The following B4GALNT3 variants were observed in gnomAD, a reference collection of about 807,000 sequenced individuals.
B4GALNT3 encodes beta-1,4-N-acetyl-galactosaminyltransferase 3, also known as beta-1,4-N-acetylgalactosaminyltransferase 3.
B4GALNT3 carries 86 observed loss-of-function variants against 120.2 expected under a neutral mutation model. That is an observed-to-expected ratio of 0.72 (90% CI 0.60 to 0.86). B4GALNT3 has a LOEUF of 0.86. B4GALNT3 is among the 40% of genes least tolerant of loss of function. The pLI is 0.00. For synonymous variants in B4GALNT3, 518 were observed against 510.4 expected, an observed-to-expected ratio of 1.01 and a Z score of -0.20; for missense variants, 1,167 against 1,298.9, an observed-to-expected ratio of 0.90 and a Z score of 1.56.
At chr12:511,013 CTTTTTTTTTTTTTTTTTTTTTTTTTT>C (rs762032000) in intron 1 of B4GALNT3, among the ~76,000 whole-genome samples, 11 of 43,912 alleles carry the variant, frequency 2.5e-4, no homozygotes, top group South Asian at 8.5e-4. Flanking sequence ...TTTGCCTATT[CTTTTTTTTTTTTTTTTTTTTTTTTTT>C]TTTTTTTTTT....
intron 3 of B4GALNT3, 68 bp from the exon 4 acceptor site, chr12:544,271 G>A (rs1946963049): frequency 6.8e-7 from 1 of 1,470,060 alleles, no homozygotes; most frequent in Non-Finnish European, 9.4e-7. Flanking sequence ...TCATCCCCCT[G>A]GAGCTGAGGA....
In B4GALNT3 at chr12:553,387, C is replaced by T. The variant is rs375042184; in HGVS notation, c.1464C>T (p.Ala488=). 116 of 1,613,786 alleles carry T rather than the reference C, an allele frequency of 7.2e-5. 1 individual carries two copies. The South Asian group carries it at 9.2e-4, about 13-fold the overall frequency. Residue 488 remains alanine (A), a synonymous_variant, in exon 14 of 20, where the codon GCC becomes GCT. Coordinates refer to ENST00000266383, the MANE Select transcript of B4GALNT3 (RefSeq NM_173593.4). The stretch of plus-strand genomic sequence containing the variant: ...CTCAGCCCCGGGAGGGCCTGCTGGC[C>T]CCCTTCTCCAAGCGGAACTCCACAG... ...LLAQPREGLL[A]PFSKRNSTAS... is the part of the protein sequence containing the mutation.
chr12:544,316 C>A (rs756969605), intron 3 of B4GALNT3, 23 bp from the exon 4 acceptor site: 1 of 1,611,016 alleles, frequency 6.2e-7, no homozygotes, highest in African/African-American at 1.3e-5. Flanking sequence ...CGCTCACTCA[C>A]CACTGGCGTC....
intron 2 of B4GALNT3, among the ~76,000 whole-genome samples, chr12:535,774 AATTC>A (rs1946852474): frequency 6.6e-6 from 1 of 152,100 alleles, no homozygotes; most frequent in Admixed American, 6.5e-5. Flanking sequence ...ACTGGGGTCT[AATTC>A]ATTCAGGAGC....
intron 1 of B4GALNT3, among the ~76,000 whole-genome samples, chr12:528,593 A>G (rs574718888): frequency 7.2e-5 from 11 of 152,350 alleles, no homozygotes; most frequent in African/African-American, 1.9e-4. Context: ...CCATTGGAGC[A>G]TTGGGTTTGC....
rs944384083 is a variant in B4GALNT3, at chr12:544,505, C to T, written c.447+71C>T. ...TCCTCTGCCCACTTCTGTCTCTCATCTTTCCTTACATCTTTTCTGGTCCAT... is the reference window on the plus strand; with the variant it reads ...TCCTCTGCCCACTTCTGTCTCTCATTTTTCCTTACATCTTTTCTGGTCCAT... On this transcript the variant is annotated intron_variant, in intron 4 of 19. Coordinates refer to ENST00000266383, the MANE Select transcript of B4GALNT3 (RefSeq NM_173593.4). 3.7e-6 allele frequency: 5 copies of T among 1,343,982 alleles called. No homozygotes were observed. The East Asian group carries it at 9.2e-5, about 25-fold the overall frequency. 83.3% of individuals were successfully genotyped at this position (1,343,982 alleles called of 1,614,324 possible). A position where few individuals can be genotyped will look rare whatever the true frequency, so the allele number is the denominator to read the frequency against.
chr12:500,388 G>A (rs865779470), intron 1 of B4GALNT3, among the ~76,000 whole-genome samples: 1 of 152,194 alleles, frequency 6.6e-6, no homozygotes. Flanking sequence ...GAGGTTCATG[G>A]GAGGATCACA....
rs1249955303 is a variant in B4GALNT3, at chr12:500,871, T to TTTTTTATTTTTTA, written c.170-34290_170-34289insATTTTTTATTTTT. Among the ~76,000 whole-genome samples the TTTTTTATTTTTTA allele has an allele frequency of 3.4e-4, 43 of 125,492 alleles. 3 individuals carry two copies. The highest frequency in any genetic ancestry group is 7.2e-3 in the Middle Eastern group (2 of 276). The allele number at this position is 125,492 out of a possible 152,430, so 82.3% of individuals were successfully genotyped here. A position where few individuals can be genotyped will look rare whatever the true frequency, so the allele number is the denominator to read the frequency against. ...TTGAATCCTGGCTCCACTGCTTTTT[T>TTTTTTATTTTTTA]TTTTTTTTTTTTTTGACACAGGGTC... On this transcript the variant is annotated intron_variant, in intron 1 of 19. Coordinates refer to ENST00000266383, the MANE Select transcript of B4GALNT3 (RefSeq NM_173593.4).
chr12:493,636 C>T (rs924989572), intron 1 of B4GALNT3, among the ~76,000 whole-genome samples: 2 of 149,666 alleles, frequency 1.3e-5, no homozygotes, highest in Admixed American at 1.3e-4. Flanking sequence ...ATATAATTCA[C>T]CATTTTATCT....
At chr12:511,482 TCTTCCAC>T (rs1285184433) in intron 1 of B4GALNT3, among the ~76,000 whole-genome samples, 278 of 66,150 alleles carry the variant, frequency 4.2e-3, no homozygotes, top group African/African-American at 0.025. Context: ...TCTTCCACCT[TCTTCCAC>T]CTTCCACCTT....
chr12:517,877 T>C (rs1000147225), intron 1 of B4GALNT3, among the ~76,000 whole-genome samples: 2 of 152,186 alleles, frequency 1.3e-5, no homozygotes, highest in African/African-American at 4.8e-5. Flanking sequence ...GGCTCCACAA[T>C]ACTGGCTTCA....
Position 552,783 on chromosome 12 carries a change from T to C in B4GALNT3, c.1270+255T>C, listed in dbSNP as rs1240755381. On this transcript the variant is annotated intron_variant, in intron 13 of 19. Transcript: ENST00000266383. The stretch of plus-strand genomic sequence containing the variant: ...AGGAGAGTGAGAGCCCGGGGGAGGT[T>C]ACTTGGACTGCTGGAGGGGCTTGCT... 6 of 540,534 alleles carry C rather than the reference T, an allele frequency of 1.1e-5. No individual in the cohort carries two copies. In the Admixed American group the frequency reaches 1.4e-4, roughly 12 times the overall value. The allele number at this position is 540,534 out of a possible 1,614,324, so 33.5% of individuals were successfully genotyped here.
chr12:509,606 C>T (rs1019256776), intron 1 of B4GALNT3, among the ~76,000 whole-genome samples: 2 of 152,098 alleles, frequency 1.3e-5, no homozygotes, highest in Non-Finnish European at 2.9e-5. Flanking sequence ...TACACAAAGC[C>T]GGAAATGCCT....
At position 553,211 on chromosome 12, in the gene B4GALNT3, CTAGAAGAGT is replaced by C; in HGVS notation, c.1289_1297del (p.Leu430_Ser433delinsPro). On this transcript the variant is annotated inframe_deletion, in exon 14 of 20. Coordinates refer to ENST00000266383, the MANE Select transcript of B4GALNT3 (RefSeq NM_173593.4). ...AATAGCAGGTTTTGAGGAAAACCTTCTAGAAGAGTCCCAGTATGGGGAAGTGGCAGAGGA... is the reference window on the plus strand; with the variant it reads ...AATAGCAGGTTTTGAGGAAAACCTTCCCCAGTATGGGGAAGTGGCAGAGGA... The C allele has an allele frequency of 6.2e-7, 1 of 1,612,912 alleles. No homozygotes were observed.
chr12:548,897 T>A lies in B4GALNT3; in HGVS notation c.853+600T>A, dbSNP rs888081901. On this transcript the variant is annotated intron_variant, in intron 9 of 19. Coordinates refer to ENST00000266383, the MANE Select transcript of B4GALNT3 (RefSeq NM_173593.4). The surrounding 1 kb of genome is among the most constrained non-coding windows in gnomAD (Gnocchi z 4.9). ...CAGCCTGGGCAACAGAGCAAGACGC[T>A]GCCTCAAAAGCAAAACAAAACAACA... Among the ~76,000 whole-genome samples the A allele has an allele frequency of 1.3e-5, 2 of 149,048 alleles. No individual in the cohort carries two copies. Among genetic ancestry groups the A allele is most frequent in the Non-Finnish European group, 3.0e-5 (2 of 66,546 alleles).
chr12:509,580 AAG>A (rs143356394), intron 1 of B4GALNT3, among the ~76,000 whole-genome samples: 10,829 of 152,260 alleles, frequency 0.071, 430 homozygotes, highest in Middle Eastern at 0.13. Context: ...TACCTAGTTC[AAG>A]AGAGTCTTAT....
In B4GALNT3 at chr12:559,320, G is replaced by A. The variant is rs1425251230; in HGVS notation, c.2787G>A (p.Gly929=). ...GCTACTGGGAGGTGAATGGGTTCGG[G>A]CTGCTTGGCATCTACAAGTCTGACC... is the stretch of plus-strand genomic sequence containing the variant. The part of the protein sequence containing the change: ...PEGYWEVNGF[G]LLGIYKSDLD... The change falls in exon 19 of 20, where the codon GGG becomes GGA. Residue 929 remains glycine (G), a synonymous_variant. Transcript: ENST00000266383. The A allele has an allele frequency of 8.7e-6, 14 of 1,613,908 alleles. No individual in the cohort carries two copies. The highest frequency in any genetic ancestry group is 1.3e-5 in the African/African-American group (1 of 74,910).
chr12:552,616 C>A, intron 13 of B4GALNT3, 88 bp downstream of exon 13: 1 of 1,324,232 alleles, frequency 7.6e-7, no homozygotes, highest in South Asian at 1.3e-5. Flanking sequence ...GTGCCAGCCC[C>A]GCCCCTGAGG....
rs1352704684 is a variant in B4GALNT3 at position 460,199 on chromosome 12, C to T, written c.-178C>T. ...TGGGCGCCCGCGCAGCCCGGAGACCCCTCGCGCCCGGAGCATGAGCCCGAG... is the reference window on the plus strand; with the variant it reads ...TGGGCGCCCGCGCAGCCCGGAGACCTCTCGCGCCCGGAGCATGAGCCCGAG... On this transcript the variant is annotated 5_prime_UTR_variant, in exon 1 of 20. Transcript: ENST00000266383. This position sits in a 1 kb window ranked among gnomAD's most constrained non-coding sequence, Gnocchi z 8.0. 1.1e-4 allele frequency among the ~76,000 whole-genome samples: 16 copies of T among 150,628 alleles called. No homozygotes were observed. In the East Asian group the frequency reaches 2.9e-3, roughly 28 times the overall value.
Sources: allele counts gnomAD v4.1 joint callset (sites outside exome capture counted in the v4.1 genomes callset), GRCh38; gene constraint gnomAD v4.1.1; non-coding constraint Gnocchi (gnomAD v3.1); transcripts MANE v1.5; gene names NCBI Gene and HGNC (gene_info 2026-07-23, HGNC 2026-07-21).